The following LRBA variants were observed in gnomAD, a reference collection of about 807,000 sequenced individuals.
LRBA encodes the protein LPS responsive beige-like anchor protein.
LRBA carries 176 observed loss-of-function variants against 330.0 expected under a neutral mutation model. That is an observed-to-expected ratio of 0.53 (90% CI 0.47 to 0.60). The LOEUF (loss-of-function observed/expected upper bound fraction) is 0.60. Among genes scored for constraint, LRBA ranks in the 20% least tolerant of loss-of-function variants. The probability of loss-of-function intolerance (pLI) is 0.00; values close to 1 mark genes in which losing one functional copy is unlikely to be tolerated. For synonymous variants in LRBA, 1,230 were observed against 1,193.0 expected (o/e 1.03, Z -0.64); for missense variants, 3,259 against 3,444.8 (o/e 0.95, Z 1.35).
intron 2 of LRBA, among the ~76,000 whole-genome samples, chr4:150,943,534 A>C (rs1735901610): frequency 6.6e-6 from 1 of 152,234 alleles, no homozygotes; most frequent in Admixed American, 6.5e-5. Flanking sequence ...AAGTGCTTGA[A>C]GTCTTAGATA....
chr4:150,446,529 T>G (rs1402563789), intron 44 of LRBA, among the ~76,000 whole-genome samples: 2 of 152,206 alleles, frequency 1.3e-5, no homozygotes, highest in African/African-American at 4.8e-5. Flanking sequence ...GCAGTTACAT[T>G]GCAGTTGTAT....
At chr4:150,841,999 A>G (rs1749157763) in intron 28 of LRBA, among the ~76,000 whole-genome samples, 1 of 152,178 alleles carries the variant, frequency 6.6e-6, no homozygotes, top group African/African-American at 2.4e-5. Context: ...TTCCCTAAAG[A>G]GACTAAACTC....
At chr4:150,459,123 G>T (rs903415549) in intron 44 of LRBA, among the ~76,000 whole-genome samples, 3 of 151,844 alleles carry the variant, frequency 2.0e-5, no homozygotes, top group Non-Finnish European at 4.4e-5. Flanking sequence ...GTCTTATGGG[G>T]TGGGGATGGT....
chr4:150,569,648 G>C (rs1205425633), intron 40 of LRBA, among the ~76,000 whole-genome samples: 1 of 152,110 alleles, frequency 6.6e-6, no homozygotes, highest in Non-Finnish European at 1.5e-5. Flanking sequence ...AGCATATGAA[G>C]TTACATTATT....
chr4:150,761,306 T>C (rs574678288), intron 35 of LRBA, among the ~76,000 whole-genome samples: 15 of 152,282 alleles, frequency 9.9e-5, no homozygotes, highest in African/African-American at 3.6e-4. Context: ...CCTTGAATTC[T>C]TCTGTTTCTG....
At chr4:150,722,537 AG>A in intron 36 of LRBA, among the ~76,000 whole-genome samples, 1 of 152,190 alleles carries the variant, frequency 6.6e-6, no homozygotes, top group East Asian at 1.9e-4. Flanking sequence ...TTAGGAGGTG[AG>A]GGGAGAGAAA....
intron 2 of LRBA, among the ~76,000 whole-genome samples, chr4:150,986,018 A>G (rs1343627006): frequency 2.6e-5 from 4 of 152,082 alleles, no homozygotes; most frequent in African/African-American, 9.7e-5. Flanking sequence ...TGGGGGTCTC[A>G]CTTTGTTGAC....
intron 42 of LRBA, among the ~76,000 whole-genome samples, chr4:150,483,623 C>T (rs919025929): frequency 2.6e-5 from 4 of 151,804 alleles, no homozygotes; most frequent in African/African-American, 9.7e-5. Context: ...TGTGAGCCAC[C>T]ATGCCTGGCC....
chr4:150,935,044 T>G (rs1579252568), intron 2 of LRBA, among the ~76,000 whole-genome samples: 1 of 145,936 alleles, frequency 6.9e-6, no homozygotes, highest in Admixed American at 6.9e-5. Flanking sequence ...GGTGTGGTGG[T>G]GCATGTCTGT....
intron 37 of LRBA, among the ~76,000 whole-genome samples, chr4:150,603,705 GC>G (rs1173621944): frequency 6.6e-6 from 1 of 152,000 alleles, no homozygotes; most frequent in Non-Finnish European, 1.5e-5. Flanking sequence ...TTGCTACATT[GC>G]CCAGGCTGGT....
chr4:150,526,952 G>A (rs946646340), intron 40 of LRBA, among the ~76,000 whole-genome samples: 19 of 150,636 alleles, frequency 1.3e-4, no homozygotes, highest in Admixed American at 2.6e-4. Flanking sequence ...ATCACAATTC[G>A]TTGATACGCT....
intron 47 of LRBA, among the ~76,000 whole-genome samples, chr4:150,381,812 C>A (rs1254119590): frequency 6.6e-6 from 1 of 152,160 alleles, no homozygotes; most frequent in Non-Finnish European, 1.5e-5. Context: ...ACAGTTTTTA[C>A]ATATCTTAAC....
At chr4:150,808,093 T>C (rs1299955997) in intron 32 of LRBA, among the ~76,000 whole-genome samples, 1 of 152,162 alleles carries the variant, frequency 6.6e-6, no homozygotes, top group African/African-American at 2.4e-5. Context: ...TCTCATGAAG[T>C]GACTTGTACA....
In LRBA at chr4:150,265,377, C is replaced by T; in HGVS notation, c.*345G>A. ...CTTCCCCACTGTGAAAATCCTATTTCTCAAGCTTGTAGATGCATGGGAAAT... is the reference window on the plus strand; with the variant it reads ...CTTCCCCACTGTGAAAATCCTATTTTTCAAGCTTGTAGATGCATGGGAAAT... On this transcript the variant is annotated 3_prime_UTR_variant, in exon 57 of 57. Coordinates refer to ENST00000651943, the MANE Select transcript of LRBA (RefSeq NM_001364905.1). 1 of 174,640 alleles carries T rather than the reference C, an allele frequency of 5.7e-6. No homozygotes were observed. The highest frequency in any genetic ancestry group is 1.4e-4 in the South Asian group (1 of 7,194). 10.8% of individuals were successfully genotyped at this position (174,640 alleles called of 1,614,324 possible). A position where few individuals can be genotyped will look rare whatever the true frequency, so the allele number is the denominator to read the frequency against.
intron 13 of LRBA, among the ~76,000 whole-genome samples, chr4:150,902,457 TAAATC>T (rs1730847052): frequency 6.6e-6 from 1 of 152,020 alleles, no homozygotes; most frequent in Non-Finnish European, 1.5e-5. Flanking sequence ...TTCCTAGAAC[TAAATC>T]AAATGGAAAT....
intron 56 of LRBA, among the ~76,000 whole-genome samples, chr4:150,273,079 C>T (rs1429875528): frequency 2.6e-5 from 4 of 152,156 alleles, no homozygotes; most frequent in African/African-American, 4.8e-5. Flanking sequence ...AGGTTACCCA[C>T]AAAGCAAAGC....
intron 47 of LRBA, among the ~76,000 whole-genome samples, chr4:150,393,757 A>T (rs1295006978): frequency 1.3e-5 from 2 of 152,150 alleles, no homozygotes; most frequent in Non-Finnish European, 2.9e-5. Flanking sequence ...AAGTGTTGGG[A>T]TTATGGGCAT....
At chr4:150,635,272 A>G (rs548336458) in intron 37 of LRBA, among the ~76,000 whole-genome samples, 1 of 152,284 alleles carries the variant, frequency 6.6e-6, no homozygotes, top group East Asian at 1.9e-4. Context: ...CTATGTGACA[A>G]TGGTACCAAA....
At chr4:150,878,966 T>C (rs939948795) in intron 17 of LRBA, among the ~76,000 whole-genome samples, 1 of 151,384 alleles carries the variant, frequency 6.6e-6, no homozygotes, top group Non-Finnish European at 1.5e-5. Context: ...GTAGCAATCC[T>C]ACTAAAAATA....
Sources: gnomAD v4.1 joint callset for allele counts (sites outside exome capture counted in the v4.1 genomes callset) on GRCh38, gnomAD v4.1.1 for gene constraint, MANE v1.5 for transcripts, NCBI Gene and HGNC (gene_info 2026-07-23, HGNC 2026-07-21) for gene names.